Variants in GOLGA4 observed in about 807,000 individuals in gnomAD.
The protein encoded by GOLGA4 is golgin A4.
GOLGA4 carries 169 observed loss-of-function variants against 265.9 expected under a neutral mutation model. The ratio of observed to expected loss-of-function variants is 0.64; its 90% CI spans 0.56 to 0.72. The LOEUF (loss-of-function observed/expected upper bound fraction) is 0.72. GOLGA4 is among the 30% of genes least tolerant of loss of function. The pLI, the probability that GOLGA4 is intolerant of heterozygous loss-of-function variation, is 0.00. For missense variants in GOLGA4, 2,482 were observed against 2,483.4 expected (o/e 1.00, Z 0.01); for synonymous variants, 923 against 855.8 (o/e 1.08, Z -1.37).
intron 1 of GOLGA4, among the ~76,000 whole-genome samples, chr3:37,247,244 T>C (rs1326074680): frequency 1.3e-5 from 2 of 152,230 alleles, no homozygotes; most frequent in East Asian, 1.9e-4. Context: ...GAGGATTCAA[T>C]GGCTGTGTCT....
At position 37,327,321 on chromosome 3, in the gene GOLGA4, T is replaced by G. The variant is rs767873424; in HGVS notation, c.5435T>G (p.Val1812Gly). The G allele has an allele frequency of 7.3e-5, 117 of 1,613,712 alleles. No individual in the cohort carries two copies. Among genetic ancestry groups the G allele is most frequent in the Middle Eastern group, 1.6e-4 (1 of 6,084 alleles). The change falls in exon 14 of 24, where the codon GTA (valine) becomes GGA (glycine). Residue 1812 changes from valine (V) to glycine (G), a missense_variant. This residue lies in a region of GOLGA4 where 942 missense variants were observed against 983.1 expected (regional missense o/e 0.96). Coordinates refer to ENST00000361924, the MANE Select transcript of GOLGA4 (RefSeq NM_002078.5). ...AAAAACAAGAAATATTCCTTGATAG[T>G]AGCCCAGCATGTGGAAAAAGAAGGA... ...EEKNKKYSLI[V>G]AQHVEKEGGK...
intron 17 of GOLGA4, among the ~76,000 whole-genome samples, chr3:37,335,648 A>G (rs1249998932): frequency 1.3e-5 from 2 of 152,000 alleles, no homozygotes; most frequent in African/African-American, 4.8e-5. Flanking sequence ...AAGAAAAACA[A>G]TTTCTATCTT....
chr3:37,336,696 G>A (rs546931962), intron 17 of GOLGA4, among the ~76,000 whole-genome samples: 46 of 152,170 alleles, frequency 3.0e-4, no homozygotes, highest in Admixed American at 6.5e-4. Flanking sequence ...GCTTGAACCC[G>A]GGAAGGAGGT....
At chr3:37,355,950 GTTTTATTCTC>G (rs960905295) in intron 22 of GOLGA4, among the ~76,000 whole-genome samples, 2 of 151,938 alleles carry the variant, frequency 1.3e-5, no homozygotes, top group African/African-American at 4.8e-5. Flanking sequence ...ACCAGCACTG[GTTTTATTCTC>G]TCTCTCCTCA....
intron 9 of GOLGA4, among the ~76,000 whole-genome samples, chr3:37,301,842 G>GCAA (rs1249739309): frequency 2.0e-5 from 3 of 152,062 alleles, no homozygotes; most frequent in Admixed American, 1.3e-4. Flanking sequence ...AGGCTGGAGT[G>GCAA]CAATGGCGTG....
At chr3:37,321,455 A>G (rs1024966614) in intron 12 of GOLGA4, 2 of 289,454 alleles carry the variant, frequency 6.9e-6, no homozygotes, top group African/African-American at 2.2e-5. Flanking sequence ...CACATTCAGC[A>G]GTGTTTCGTA....
Position 37,350,633 on chromosome 3 carries a change from G to A in GOLGA4, c.6576+3337G>A, listed in dbSNP as rs1037215100. On this transcript the variant is annotated intron_variant, in intron 21 of 23. Coordinates refer to ENST00000361924, the MANE Select transcript of GOLGA4 (RefSeq NM_002078.5). ...CTTCATATTTCTCTTTCCATTTCATGCCACATGTTTACAGGCATACCTTGG... is the reference window on the plus strand; with the variant it reads ...CTTCATATTTCTCTTTCCATTTCATACCACATGTTTACAGGCATACCTTGG... Among the ~76,000 whole-genome samples the A allele has an allele frequency of 4.6e-5, 7 of 152,128 alleles. No homozygotes were observed. In the South Asian group the frequency reaches 1.5e-3, roughly 32 times the overall value.
At chr3:37,265,541 T>C (rs948888154) in intron 2 of GOLGA4, among the ~76,000 whole-genome samples, 3 of 152,330 alleles carry the variant, frequency 2.0e-5, no homozygotes, top group Non-Finnish European at 4.4e-5. Flanking sequence ...TATGCATTTT[T>C]AAGCCCACTT....
Position 37,243,496 on chromosome 3 carries a change from C to G in GOLGA4, c.-55C>G, listed in dbSNP as rs1429974925. On this transcript the variant is annotated 5_prime_UTR_variant, in exon 1 of 24. Coordinates refer to ENST00000361924, the MANE Select transcript of GOLGA4 (RefSeq NM_002078.5). ...CGTAGCCGTCGCGGCCGGGACTCCC[C>G]GGGCTCTCGCCCTTCAGGTTTCGTT... 6.6e-7 allele frequency: 1 copy of G among 1,525,748 alleles called. No homozygotes were observed. Among genetic ancestry groups the G allele is most frequent in the Non-Finnish European group, 9.1e-7 (1 of 1,099,948 alleles). The allele number at this position is 1,525,748 out of a possible 1,614,324, so 94.5% of individuals were successfully genotyped here. A position where few individuals can be genotyped will look rare whatever the true frequency, so the allele number is the denominator to read the frequency against.
At chr3:37,314,315 A>G (rs112723696) in intron 10 of GOLGA4, among the ~76,000 whole-genome samples, 5 of 152,002 alleles carry the variant, frequency 3.3e-5, no homozygotes, top group African/African-American at 1.2e-4. Context: ...GTCCTATCTG[A>G]TTTTGTTTGA....
intron 10 of GOLGA4, among the ~76,000 whole-genome samples, chr3:37,303,740 TAAC>T (rs946425178): frequency 1.8e-4 from 27 of 152,190 alleles, no homozygotes; most frequent in Non-Finnish European, 4.4e-5. Flanking sequence ...GTCATAGTGG[TAAC>T]AGCAGCAGCT....
intron 2 of GOLGA4, among the ~76,000 whole-genome samples, chr3:37,268,994 G>A (rs2150706271): frequency 6.6e-6 from 1 of 152,304 alleles, no homozygotes; most frequent in Non-Finnish European, 1.5e-5. Flanking sequence ...GCTTAGTTAA[G>A]TTTTTTGAAA....
intron 16 of GOLGA4, among the ~76,000 whole-genome samples, chr3:37,332,632 C>T (rs142181532): frequency 1.6e-4 from 24 of 151,982 alleles, no homozygotes; most frequent in East Asian, 7.7e-4. Context: ...TTCTTGGAGG[C>T]GGTATACATG....
intron 8 of GOLGA4, 36 bp downstream of exon 8, chr3:37,299,056 T>C (rs1434665361): frequency 2.7e-6 from 4 of 1,488,990 alleles, no homozygotes; most frequent in Non-Finnish European, 3.6e-6. Context: ...TAATTTAATC[T>C]ATAAAGTTAG....
At chr3:37,303,708 A>G (rs2096898982) in intron 10 of GOLGA4, among the ~76,000 whole-genome samples, 1 of 152,206 alleles carries the variant, frequency 6.6e-6, no homozygotes, top group Non-Finnish European at 1.5e-5. Context: ...ACAAAAGATT[A>G]AGTTTTACAG....
At chr3:37,340,231 G>C in intron 20 of GOLGA4, 32 bp downstream of exon 20, 1 of 795,884 alleles carries the variant, frequency 1.3e-6, no homozygotes. Context: ...GTTATTAACT[G>C]TTATCTTTTA....
intron 9 of GOLGA4, 129 bp downstream of exon 9, chr3:37,299,500 C>G: frequency 1.6e-6 from 1 of 622,110 alleles, no homozygotes; most frequent in Non-Finnish European, 2.8e-6. Flanking sequence ...CATGAAAAAT[C>G]TTTAATTTCT....
In GOLGA4 at chr3:37,325,529, A is replaced by G. The variant is rs142152509; in HGVS notation, c.3643A>G (p.Ile1215Val). 9.7e-5 allele frequency: 157 copies of G among 1,613,860 alleles called. No homozygotes were observed. In the African/African-American group the frequency reaches 1.6e-3, roughly 16 times the overall value. ...EFKKLSEELA[I>V]QLDICCKKTE... Reference sequence around the variant, plus strand: ...TAAAAAACTGTCTGAGGAACTAGCGATTCAGCTAGATATTTGCTGTAAGAA... The same window carrying G: ...TAAAAAACTGTCTGAGGAACTAGCGGTTCAGCTAGATATTTGCTGTAAGAA... Residue 1215 changes from isoleucine (I) to valine (V), a missense_variant, in exon 14 of 24, where the codon ATT (isoleucine) becomes GTT (valine). By Grantham distance (29) the Ile-to-Val change is conservative (BLOSUM62 3). Transcript: ENST00000361924.
rs373230678 is a variant in GOLGA4 at position 37,317,445 on chromosome 3, C to T, written c.1414-1618C>T. On this transcript the variant is annotated intron_variant, in intron 11 of 23. Coordinates refer to ENST00000361924, the MANE Select transcript of GOLGA4 (RefSeq NM_002078.5). Reference sequence around the variant, plus strand: ...TTGGCCTCCCAAATTGTTGGGATTACAGGCGTGAGCCACTGTGCCTGGCCT... The same window carrying T: ...TTGGCCTCCCAAATTGTTGGGATTATAGGCGTGAGCCACTGTGCCTGGCCT... 1.5e-3 allele frequency among the ~76,000 whole-genome samples: 228 copies of T among 152,340 alleles called. 8 individuals carry two copies. In the South Asian group the frequency reaches 0.046, roughly 31 times the overall value.
Sources: gnomAD v4.1 joint callset for allele counts (sites outside exome capture counted in the v4.1 genomes callset) on GRCh38, gnomAD v4.1.1 for gene constraint, gnomAD v4.1.1 regional missense constraint, MANE v1.5 for transcripts, NCBI Gene and HGNC (gene_info 2026-07-23, HGNC 2026-07-21) for gene names.